The following SIPA1L1 variants were observed in gnomAD, a reference collection of about 807,000 sequenced individuals.
The protein encoded by SIPA1L1 is signal induced proliferation associated 1 like 1, also known as signal-induced proliferation-associated 1-like protein 1.
A neutral mutation model predicts 162.7 loss-of-function variants in SIPA1L1; 26 were observed. The ratio of observed to expected loss-of-function variants is 0.16; its 90% CI spans 0.12 to 0.22. The LOEUF (loss-of-function observed/expected upper bound fraction) is 0.22, where lower values mean the gene tolerates loss of function less well. SIPA1L1 is among the 10% of genes least tolerant of loss of function. The pLI, the probability that SIPA1L1 is intolerant of heterozygous loss-of-function variation, is 1.00. For missense variants in SIPA1L1, 1,874 were observed against 2,241.0 expected (o/e 0.84, Z 3.31); for synonymous variants, 829 against 837.4 (o/e 0.99, Z 0.17).
chr14:71,653,371 A>G (rs1308710123), intron 8 of SIPA1L1, among the ~76,000 whole-genome samples: 1 of 152,144 alleles, frequency 6.6e-6, no homozygotes, highest in East Asian at 1.9e-4. Flanking sequence ...ATTTATGCAT[A>G]TGCATATGCA....
intron 10 of SIPA1L1, among the ~76,000 whole-genome samples, chr14:71,669,411 A>G (rs1342339852): frequency 1.3e-5 from 2 of 152,208 alleles, no homozygotes; most frequent in Non-Finnish European, 2.9e-5. Context: ...AAAATCACAG[A>G]TATTTTCTGA....
At chr14:71,531,856 C>T (rs952279743) in intron 4 of SIPA1L1, among the ~76,000 whole-genome samples, 13 of 152,130 alleles carry the variant, frequency 8.5e-5, no homozygotes, top group African/African-American at 2.7e-4. Flanking sequence ...AACTAATTCC[C>T]TTACTATTGG....
chr14:71,560,752 A>G (rs1318388168), intron 4 of SIPA1L1, among the ~76,000 whole-genome samples: 1 of 152,212 alleles, frequency 6.6e-6, no homozygotes, highest in East Asian at 1.9e-4. Context: ...TAGTTAATGG[A>G]CTGTGTCTTC....
At chr14:71,649,789 AG>A (rs2042470894) in intron 7 of SIPA1L1, among the ~76,000 whole-genome samples, 1 of 152,214 alleles carries the variant, frequency 6.6e-6, no homozygotes, top group African/African-American at 2.4e-5. Flanking sequence ...GCTGTAACAA[AG>A]ATATAGGCAA....
At chr14:71,702,167 G>T in intron 14 of SIPA1L1, 1 of 507,162 alleles carries the variant, frequency 2.0e-6, no homozygotes. Flanking sequence ...TACATAGCAT[G>T]CATACCTTTT....
intron 5 of SIPA1L1, among the ~76,000 whole-genome samples, chr14:71,603,302 C>T (rs1596361293): frequency 6.6e-6 from 1 of 151,608 alleles, no homozygotes; most frequent in Non-Finnish European, 1.5e-5. Flanking sequence ...TCAAATCAGC[C>T]GATCTATATC....
intron 2 of SIPA1L1, among the ~76,000 whole-genome samples, chr14:71,427,288 G>A (rs938256009): frequency 2.0e-5 from 3 of 152,040 alleles, no homozygotes; most frequent in Non-Finnish European, 2.9e-5. Context: ...TTGAAGGACA[G>A]TTTTGACAGA....
chr14:71,598,338 C>T (rs1242882077), intron 5 of SIPA1L1: 1 of 491,018 alleles, frequency 2.0e-6, no homozygotes, highest in Non-Finnish European at 2.6e-6. Flanking sequence ...CCAGGTATCT[C>T]CCTTAAGACA....
At chr14:71,548,307 T>G (rs1325290025) in intron 4 of SIPA1L1, among the ~76,000 whole-genome samples, 3 of 152,240 alleles carry the variant, frequency 2.0e-5, no homozygotes, top group East Asian at 3.8e-4. Flanking sequence ...TAATGAAGTC[T>G]GCTGTCAGCG....
At chr14:71,406,612 C>T (rs2042044847) in intron 2 of SIPA1L1, among the ~76,000 whole-genome samples, 1 of 151,990 alleles carries the variant, frequency 6.6e-6, no homozygotes, top group South Asian at 2.1e-4. Context: ...TTTTAATAAG[C>T]CATATTGATT....
chr14:71,521,961 A>C (rs2052400063), intron 3 of SIPA1L1, among the ~76,000 whole-genome samples: 1 of 152,142 alleles, frequency 6.6e-6, no homozygotes, highest in African/African-American at 2.4e-5. Context: ...ATCGCCATTC[A>C]TCTGCTTTTT....
At chr14:71,338,128 T>C (rs547187415) in intron 2 of SIPA1L1, among the ~76,000 whole-genome samples, 181 of 152,278 alleles carry the variant, frequency 1.2e-3, no homozygotes, top group African/African-American at 4.1e-3. Context: ...ACCTTCTTCA[T>C]TGATGTCTTG....
At chr14:71,330,865 C>T in intron 2 of SIPA1L1, 3 of 571,294 alleles carry the variant, frequency 5.3e-6, no homozygotes, top group Non-Finnish European at 9.6e-6. Context: ...TTTTCCACTC[C>T]AGGTTGCTTT....
At position 71,589,165 on chromosome 14, in the gene SIPA1L1, T is replaced by G; in HGVS notation, c.1293T>G (p.Leu431=). The change falls in exon 5 of 24, where the codon CTT becomes CTG. Residue 431 remains leucine, a synonymous_variant. Coordinates refer to ENST00000381232, the MANE Select transcript of SIPA1L1 (RefSeq NM_001386936.1). ...IGGEGERKIS[L]SKSNSGSFSG... ...GAGAAGGGGAGAGGAAAATCAGCCT[T>G]TCAAAATCAAATTCTGGCTCCTTTA... 4.3e-6 allele frequency: 7 copies of G among 1,614,050 alleles called. No individual in the cohort carries two copies. The highest frequency in any genetic ancestry group is 5.9e-6 in the Non-Finnish European group (7 of 1,179,952).
intron 2 of SIPA1L1, among the ~76,000 whole-genome samples, chr14:71,353,340 G>A (rs1455143605): frequency 1.3e-5 from 2 of 152,202 alleles, no homozygotes; most frequent in Admixed American, 1.3e-4. Flanking sequence ...TCATACAGGT[G>A]TCTGACCTGG....
At chr14:71,613,961 G>T (rs1360583008) in intron 5 of SIPA1L1, among the ~76,000 whole-genome samples, 1 of 152,040 alleles carries the variant, frequency 6.6e-6, no homozygotes, top group African/African-American at 2.4e-5. Flanking sequence ...TAGCACTTTG[G>T]GAAGCTGAGG....
chr14:71,479,061 TC>T (rs2142529013), intron 2 of SIPA1L1, among the ~76,000 whole-genome samples: 1 of 152,316 alleles, frequency 6.6e-6, no homozygotes, highest in South Asian at 2.1e-4. Context: ...GTTCCCTCTG[TC>T]CACATCCTGG....
At chr14:71,644,263 C>T (rs963363096) in intron 7 of SIPA1L1, among the ~76,000 whole-genome samples, 3 of 151,954 alleles carry the variant, frequency 2.0e-5, no homozygotes, top group African/African-American at 4.8e-5. Context: ...GACAGGGTTG[C>T]ACTCTATTGC....
intron 2 of SIPA1L1, among the ~76,000 whole-genome samples, chr14:71,462,560 C>G (rs1043554492): frequency 2.6e-5 from 4 of 152,198 alleles, no homozygotes; most frequent in African/African-American, 9.7e-5. Context: ...CCAAATGCAG[C>G]AACTTTTCCT....
Sources: allele counts gnomAD v4.1 joint callset (sites outside exome capture counted in the v4.1 genomes callset), GRCh38; gene constraint gnomAD v4.1.1; transcripts MANE v1.5; gene names NCBI Gene and HGNC (gene_info 2026-07-23, HGNC 2026-07-21).